The following TANC1 variants were observed in gnomAD, a reference collection of about 807,000 sequenced individuals.
The protein encoded by TANC1 is protein TANC1.
TANC1 carries 77 observed loss-of-function variants against 149.7 expected under a neutral mutation model. That is an observed-to-expected ratio of 0.51 (90% CI 0.43 to 0.62). The LOEUF (loss-of-function observed/expected upper bound fraction) is 0.62, where lower values mean the gene tolerates loss of function less well. Among genes scored for constraint, TANC1 ranks in the 20% least tolerant of loss-of-function variants. The pLI is 0.00. For missense variants in TANC1, 1,985 were observed against 2,321.8 expected, an observed-to-expected ratio of 0.85 and a Z score of 2.98; for synonymous variants, 854 against 925.0, an observed-to-expected ratio of 0.92 and a Z score of 1.39.
At chr2:159,110,901 C>T (rs746574013) in intron 4 of TANC1, among the ~76,000 whole-genome samples, 32 of 152,204 alleles carry the variant, frequency 2.1e-4, no homozygotes, top group African/African-American at 7.7e-4. Flanking sequence ...TGCAGCACAG[C>T]CCTCCTTCGG....
intron 4 of TANC1, among the ~76,000 whole-genome samples, chr2:159,105,261 T>A (rs1163792717): frequency 6.6e-6 from 1 of 152,158 alleles, no homozygotes; most frequent in Non-Finnish European, 1.5e-5. Flanking sequence ...CCCAGAGTGC[T>A]GGGATTACAG....
chr2:159,033,900 T>C (rs1409680344), intron 2 of TANC1, among the ~76,000 whole-genome samples: 1 of 152,188 alleles, frequency 6.6e-6, no homozygotes, highest in Non-Finnish European at 1.5e-5. Flanking sequence ...CTTGAATGCG[T>C]TGTGCTTTGT....
chr2:159,172,312 G>T, intron 11 of TANC1, 40 bp downstream of exon 11: 1 of 1,592,326 alleles, frequency 6.3e-7, no homozygotes. Context: ...CACATAGAGA[G>T]ATTTGCTGGT....
chr2:159,088,215 G>A (rs540478232), intron 3 of TANC1, among the ~76,000 whole-genome samples: 98 of 152,158 alleles, frequency 6.4e-4, no homozygotes, highest in African/African-American at 2.1e-3. Flanking sequence ...CAGAGGCTCC[G>A]AGGTTTTGTT....
intron 19 of TANC1, among the ~76,000 whole-genome samples, chr2:159,204,643 C>T (rs1269060873): frequency 3.3e-5 from 5 of 152,142 alleles, no homozygotes; most frequent in South Asian, 2.1e-4. Context: ...ATGCACAGGA[C>T]GCTGGCGGCT....
At chr2:159,035,070 G>C (rs746298008) in intron 2 of TANC1, among the ~76,000 whole-genome samples, 19 of 152,288 alleles carry the variant, frequency 1.2e-4, no homozygotes, top group Non-Finnish European at 2.1e-4. Flanking sequence ...CCCAGTGCTA[G>C]GCTTTAGAAG....
rs1195881061 is a variant in TANC1 at position 159,196,822 on chromosome 2, G to C, written c.3165+29G>C. On this transcript the variant is annotated intron_variant, in intron 18 of 26. Coordinates refer to ENST00000263635, the MANE Select transcript of TANC1 (RefSeq NM_033394.3). ...AGTGGGGCAGGGGTTTCCCTCCTGGGAAACAAGAAGCTGTAGCCCAGCAAG... is the reference window on the plus strand; with the variant it reads ...AGTGGGGCAGGGGTTTCCCTCCTGGCAAACAAGAAGCTGTAGCCCAGCAAG... The C allele has an allele frequency of 1.9e-6, 3 of 1,579,556 alleles. No homozygotes were observed. In the African/African-American group the frequency reaches 4.1e-5, roughly 21 times the overall value.
intron 9 of TANC1, 22 bp from the exon 10 acceptor site, chr2:159,170,502 A>ATTT (rs748128556): frequency 1.4e-5 from 21 of 1,551,804 alleles, no homozygotes; most frequent in Middle Eastern, 3.6e-4. Context: ...TTTTTCTAAA[A>ATTT]TTTTTTTTTC....
At chr2:158,979,836 A>G (rs2034097482) in intron 1 of TANC1, among the ~76,000 whole-genome samples, 1 of 152,246 alleles carries the variant, frequency 6.6e-6, no homozygotes. Flanking sequence ...GAACTTTTGC[A>G]GTGGGATTTC....
intron 5 of TANC1, among the ~76,000 whole-genome samples, chr2:159,140,010 C>T (rs1394887184): frequency 1.3e-5 from 2 of 151,942 alleles, no homozygotes; most frequent in Non-Finnish European, 2.9e-5. Flanking sequence ...ATTGCTTGAG[C>T]CTAGGAGTTT....
intron 9 of TANC1, among the ~76,000 whole-genome samples, chr2:159,169,582 G>A (rs1237447276): frequency 2.0e-5 from 3 of 152,132 alleles, no homozygotes; most frequent in African/African-American, 7.2e-5. Context: ...ACTTGCTTCT[G>A]GAATTGAAAA....
At chr2:159,016,783 C>T (rs1487388805) in intron 2 of TANC1, among the ~76,000 whole-genome samples, 3 of 152,084 alleles carry the variant, frequency 2.0e-5, no homozygotes, top group African/African-American at 7.2e-5. Flanking sequence ...ACTGTGTTAG[C>T]CAGGATGGTC....
chr2:159,179,574 C>T (rs536141118), intron 14 of TANC1, among the ~76,000 whole-genome samples: 1 of 152,244 alleles, frequency 6.6e-6, no homozygotes, highest in South Asian at 2.1e-4. Context: ...TGCAGACTGT[C>T]ATGGGTCCTC....
chr2:159,188,841 C>T (rs2057223885), intron 16 of TANC1, among the ~76,000 whole-genome samples: 1 of 152,240 alleles, frequency 6.6e-6, no homozygotes, highest in African/African-American at 2.4e-5. Context: ...TTGAGAGATA[C>T]CACCACTTCT....
intron 9 of TANC1, among the ~76,000 whole-genome samples, chr2:159,169,948 G>A (rs1274868667): frequency 4.0e-5 from 6 of 151,408 alleles, no homozygotes; most frequent in Admixed American, 6.6e-5. Flanking sequence ...AGCTGAGATC[G>A]TGCCATTGCA....
At chr2:159,038,738 C>T (rs926011162) in intron 2 of TANC1, among the ~76,000 whole-genome samples, 20 of 152,116 alleles carry the variant, frequency 1.3e-4, no homozygotes, top group African/African-American at 3.9e-4. Flanking sequence ...TGATGTGCTG[C>T]TGGATTCAGT....
At chr2:159,027,249 A>G (rs898451395) in intron 2 of TANC1, 7 of 152,194 alleles carry the variant, frequency 4.6e-5, no homozygotes, top group Admixed American at 6.5e-5. Flanking sequence ...GCTCTCATAT[A>G]TCACTGAATG....
chr2:159,163,191 C>A, intron 7 of TANC1, 92 bp from the exon 8 acceptor site: 5 of 1,297,914 alleles, frequency 3.9e-6, no homozygotes, highest in Non-Finnish European at 5.3e-6. Flanking sequence ...GAAAACTTTC[C>A]ATTGATCCTG....
At chr2:159,145,815 G>A (rs1324440856) in intron 5 of TANC1, among the ~76,000 whole-genome samples, 1 of 152,132 alleles carries the variant, frequency 6.6e-6, no homozygotes. Flanking sequence ...CTTGCCTAAT[G>A]GATTCCCAGG....
Sources: allele counts gnomAD v4.1 joint callset (sites outside exome capture counted in the v4.1 genomes callset), GRCh38; gene constraint gnomAD v4.1.1; transcripts MANE v1.5; gene names NCBI Gene and HGNC (gene_info 2026-07-23, HGNC 2026-07-21).